SMOC1: variants seen among roughly 807,000 people sequenced by gnomAD.
SMOC1 encodes SPARC related modular calcium binding 1.
In SMOC1, 22 loss-of-function variants were observed where a neutral mutation model predicts 56.3. The ratio of observed to expected loss-of-function variants is 0.39; its 90% CI spans 0.28 to 0.56. SMOC1 has a LOEUF of 0.56. Ranked by LOEUF, SMOC1 falls within the 20% of genes least tolerant of loss-of-function variation. The probability of loss-of-function intolerance (pLI) is 0.61; values close to 1 mark genes in which losing one functional copy is unlikely to be tolerated. For missense variants in SMOC1, 509 were observed against 565.4 expected, an observed-to-expected ratio of 0.90 and a Z score of 1.01; for synonymous variants, 193 against 215.0, an observed-to-expected ratio of 0.90 and a Z score of 0.89.
intron 10 of SMOC1, among the ~76,000 whole-genome samples, chr14:70,019,837 A>G (rs952569824): frequency 6.6e-6 from 1 of 152,196 alleles, no homozygotes; most frequent in Non-Finnish European, 1.5e-5. Context: ...GCACAGACTT[A>G]CTGCTATGCT....
At chr14:69,987,838 G>A (rs1197196277) in intron 5 of SMOC1, among the ~76,000 whole-genome samples, 1 of 152,168 alleles carries the variant, frequency 6.6e-6, no homozygotes, top group Non-Finnish European at 1.5e-5. Context: ...GCAGGGCAAG[G>A]AATTGTGCTG....
At chr14:69,983,168 A>G (rs1326996853) in intron 5 of SMOC1, among the ~76,000 whole-genome samples, 1 of 152,234 alleles carries the variant, frequency 6.6e-6, no homozygotes, top group Admixed American at 6.5e-5. Flanking sequence ...GAACAGCACT[A>G]GACTGAGAGT....
At chr14:69,930,961 T>C (rs970442889) in intron 1 of SMOC1, among the ~76,000 whole-genome samples, 6 of 152,240 alleles carry the variant, frequency 3.9e-5, no homozygotes, top group African/African-American at 1.4e-4. Flanking sequence ...CAACACCTCA[T>C]GCTTGCATTT....
chr14:69,902,302 A>G (rs1485688982), intron 1 of SMOC1, among the ~76,000 whole-genome samples: 1 of 152,238 alleles, frequency 6.6e-6, no homozygotes, highest in East Asian at 1.9e-4. Flanking sequence ...ATATATTGTG[A>G]ACACCTGGAT....
chr14:69,967,083 T>C (rs542547957), intron 3 of SMOC1, among the ~76,000 whole-genome samples: 9 of 152,288 alleles, frequency 5.9e-5, no homozygotes, highest in African/African-American at 2.2e-4. Context: ...CATCTCTTGT[T>C]CTAAACACAC....
intron 1 of SMOC1, among the ~76,000 whole-genome samples, chr14:69,930,430 T>G (rs1312754382): frequency 6.6e-6 from 1 of 152,218 alleles, no homozygotes; most frequent in Non-Finnish European, 1.5e-5. Context: ...AGTCCTCTTT[T>G]GTGCAACATT....
intron 5 of SMOC1, among the ~76,000 whole-genome samples, chr14:69,985,958 A>G (rs1884349262): frequency 6.6e-6 from 1 of 152,210 alleles, no homozygotes; most frequent in South Asian, 2.1e-4. Flanking sequence ...CAGGATGTAT[A>G]GGGTTCGGTT....
intron 1 of SMOC1, among the ~76,000 whole-genome samples, chr14:69,889,595 G>T (rs377741959): frequency 6.6e-6 from 1 of 152,192 alleles, no homozygotes; most frequent in Non-Finnish European, 1.5e-5. Context: ...TTCCAGGGTG[G>T]TGGGGAAAAT....
intron 3 of SMOC1, among the ~76,000 whole-genome samples, chr14:69,972,667 G>A (rs1379544178): frequency 6.6e-6 from 1 of 152,164 alleles, no homozygotes; most frequent in Non-Finnish European, 1.5e-5. Context: ...GTGTTCATGT[G>A]CCCACTGGGA....
chr14:69,960,073 A>G (rs1298915985), intron 3 of SMOC1, among the ~76,000 whole-genome samples: 1 of 152,152 alleles, frequency 6.6e-6, no homozygotes, highest in Non-Finnish European at 1.5e-5. Flanking sequence ...TCACATTCCC[A>G]GCAAGTACTG....
chr14:69,969,331 AG>A (rs1883677017), intron 3 of SMOC1, among the ~76,000 whole-genome samples: 1 of 152,196 alleles, frequency 6.6e-6, no homozygotes, highest in South Asian at 2.1e-4. Flanking sequence ...ACAGTTCTGC[AG>A]GCTGTACAGG....
chr14:69,952,052 G>C, intron 1 of SMOC1, 86 bp from the exon 2 acceptor site: 1 of 1,485,938 alleles, frequency 6.7e-7, no homozygotes, highest in Non-Finnish European at 9.4e-7. Flanking sequence ...ACTTTCTAAA[G>C]GCAAACAAGT....
Position 70,011,516 on chromosome 14 carries a change from A to G in SMOC1, c.889A>G (p.Arg297Gly). 1 of 1,484,100 alleles carries G rather than the reference A, an allele frequency of 6.7e-7. No homozygotes were observed. 91.9% of individuals were successfully genotyped at this position (1,484,100 alleles called of 1,614,324 possible). The change falls in exon 9 of 12, where the codon AGG becomes GGG. Residue 297 changes from arginine (R) to glycine (G), a missense_variant. Transcript: ENST00000361956. Reference sequence around the variant, plus strand: ...GATGCCCAGTTGTGAGAGCGACGCCAGGGCCAAGACTACAGAGGCGGATGA... The same window carrying G: ...GATGCCCAGTTGTGAGAGCGACGCCGGGGCCAAGACTACAGAGGCGGATGA... ...YVMPSCESDARAKTTEADDPF... is the reference protein window; with the variant it reads ...YVMPSCESDAGAKTTEADDPF...
At chr14:69,943,676 TC>T (rs33984977) in intron 1 of SMOC1, among the ~76,000 whole-genome samples, 71,900 of 151,802 alleles carry the variant, frequency 0.47, 18,136 homozygotes, top group African/African-American at 0.65. Context: ...AGAGTGGCTT[TC>T]CCCCCCCTTT....
rs568989239 is a variant in SMOC1 at position 70,030,251 on chromosome 14, T to A, written c.1301T>A (p.Leu434His). 16 of 1,600,512 alleles carry A rather than the reference T, an allele frequency of 1.0e-5. No individual in the cohort carries two copies. In the East Asian group the frequency reaches 3.6e-4, roughly 36 times the overall value. The change falls in exon 12 of 12, where the codon CTC becomes CAC. Residue 434 changes from leucine to histidine, a missense_variant. By Grantham distance (99) the Leu-to-His change is moderately conservative. Transcript: ENST00000361956. Reference protein sequence around the residue: ...CLGVSKEVGRLV With the variant: ...CLGVSKEVGRHV ...TCCTTCCTTCTCTCAGTAGGACGCC[T>A]CGTCTAAGGAGCAGAAAACCCAAGG...
At chr14:70,025,513 C>T (rs1380198140) in intron 11 of SMOC1, among the ~76,000 whole-genome samples, 2 of 152,192 alleles carry the variant, frequency 1.3e-5, no homozygotes, top group Admixed American at 6.5e-5. Context: ...TACTCTGAGT[C>T]TCCAGGACTC....
chr14:69,988,085 G>A (rs1206394335), intron 5 of SMOC1, among the ~76,000 whole-genome samples: 1 of 152,116 alleles, frequency 6.6e-6, no homozygotes, highest in East Asian at 1.9e-4. Context: ...TTCTCCCTCC[G>A]CCCTGGCTGG....
At chr14:69,917,892 C>G (rs1015409003) in intron 1 of SMOC1, among the ~76,000 whole-genome samples, 2 of 152,058 alleles carry the variant, frequency 1.3e-5, no homozygotes, top group African/African-American at 4.8e-5. Context: ...AACACAGCAG[C>G]AGGCAGAATG....
At chr14:69,952,047 C>A in intron 1 of SMOC1, 91 bp from the exon 2 acceptor site, 1 of 1,466,744 alleles carries the variant, frequency 6.8e-7, no homozygotes, top group Non-Finnish European at 9.5e-7. Flanking sequence ...GACTTACTTT[C>A]TAAAGGCAAA....
Sources: allele counts gnomAD v4.1 joint callset (sites outside exome capture counted in the v4.1 genomes callset), GRCh38; gene constraint gnomAD v4.1.1; transcripts MANE v1.5; gene names NCBI Gene and HGNC (gene_info 2026-07-23, HGNC 2026-07-21).